The following SPIN1 variants were observed in gnomAD, a reference collection of about 807,000 sequenced individuals.
SPIN1 encodes spindlin 1, also known as spindlin-1.
SPIN1 carries 3 observed loss-of-function variants against 26.0 expected under a neutral mutation model. The observed-to-expected ratio is 0.12, with a 90% confidence interval of 0.05 to 0.30. The LOEUF is 0.30. SPIN1 is among the 10% of genes least tolerant of loss of function. The pLI is 1.00. For synonymous variants in SPIN1, 101 were observed against 116.5 expected, an observed-to-expected ratio of 0.87 and a Z score of 0.86; for missense variants, 126 against 333.4, an observed-to-expected ratio of 0.38 and a Z score of 4.84.
intron 1 of SPIN1, among the ~76,000 whole-genome samples, chr9:88,393,878 T>C (rs959660464): frequency 6.6e-6 from 1 of 151,668 alleles, no homozygotes; most frequent in African/African-American, 2.4e-5. Flanking sequence ...GAGACAGTCT[T>C]GCTCTGTCAC....
intron 2 of SPIN1, among the ~76,000 whole-genome samples, chr9:88,429,443 C>T (rs1827822230): frequency 6.6e-6 from 1 of 152,162 alleles, no homozygotes; most frequent in African/African-American, 2.4e-5. Flanking sequence ...ATTGGAGTTT[C>T]CACAGCCCTG....
At chr9:88,474,997 T>C (rs1471755365) in intron 5 of SPIN1, 81 bp from the exon 6 acceptor site, 2 of 1,307,228 alleles carry the variant, frequency 1.5e-6, no homozygotes, top group Non-Finnish European at 2.0e-6. Context: ...AAAATAAATA[T>C]GTGAGTTGAT....
rs11320023 is a variant in SPIN1 at position 88,475,047 on chromosome 9, CTTTT to C, written c.590-11_590-8del. 5.2e-3 allele frequency: 4,327 copies of C among 834,670 alleles called. 2 individuals are homozygous for C. Among genetic ancestry groups the C allele is most frequent in the African/African-American group, 0.01 (445 of 43,186 alleles). 51.7% of individuals were successfully genotyped at this position (834,670 alleles called of 1,614,324 possible). ...TGACTTAGAAATTTTCTCTCTCTCT[CTTTT>C]TTTTTTTTTTTTTTTTTTTAATATA... On this transcript the variant is annotated intron_variant, in intron 5 of 5. Coordinates refer to ENST00000375859, the MANE Select transcript of SPIN1 (RefSeq NM_006717.3).
chr9:88,394,428 T>TG (rs1827008848), intron 1 of SPIN1, among the ~76,000 whole-genome samples: 1 of 152,228 alleles, frequency 6.6e-6, no homozygotes, highest in African/African-American at 2.4e-5. Context: ...ATGCTTTTAT[T>TG]GGACAGCCAT....
chr9:88,402,107 T>G (rs967964919), intron 1 of SPIN1, among the ~76,000 whole-genome samples: 1 of 152,136 alleles, frequency 6.6e-6, no homozygotes, highest in African/African-American at 2.4e-5. Context: ...TTCTCCCGCC[T>G]CAGCCTCCTG....
At chr9:88,409,409 C>A (rs1452294007) in intron 1 of SPIN1, among the ~76,000 whole-genome samples, 1 of 151,592 alleles carries the variant, frequency 6.6e-6, no homozygotes, top group Non-Finnish European at 1.5e-5. Flanking sequence ...TTATAAATAT[C>A]GTTTGAATAA....
At chr9:88,430,453 A>G (rs1408485791) in intron 2 of SPIN1, among the ~76,000 whole-genome samples, 1 of 152,204 alleles carries the variant, frequency 6.6e-6, no homozygotes, top group African/African-American at 2.4e-5. Flanking sequence ...AGGCTCACCA[A>G]GTTTCCAGGG....
rs1587774126 is a variant in SPIN1 at position 88,403,189 on chromosome 9, C to T, written c.-159+14651C>T. Among the ~76,000 whole-genome samples, 4 of 152,014 alleles carry T rather than the reference C, an allele frequency of 2.6e-5. No homozygotes were observed. The East Asian group carries it at 7.7e-4, about 29-fold the overall frequency. ...CTTGTTGCATATTCTGGATTTTAGT[C>T]CTTTGTCATGAATGGTTTGCACATA... On this transcript the variant is annotated intron_variant, in intron 1 of 5. Transcript: ENST00000375859.
In SPIN1 at chr9:88,475,627, T is replaced by C. The variant is rs1233682317; in HGVS notation, c.*350T>C. 4.9e-6 allele frequency: 1 copy of C among 205,288 alleles called. No homozygotes were observed. Among genetic ancestry groups the C allele is most frequent in the East Asian group, 1.2e-4 (1 of 8,380 alleles). The allele number at this position is 205,288 out of a possible 1,614,324, so 12.7% of individuals were successfully genotyped here. ...TTCTGCCGCCACAATGCAAGCATAG[T>C]TTGATGTTTTCGTTATTGCCTTTTT... On this transcript the variant is annotated 3_prime_UTR_variant, in exon 6 of 6. Coordinates refer to ENST00000375859, the MANE Select transcript of SPIN1 (RefSeq NM_006717.3).
At chr9:88,471,193 T>G (rs1368531449) in intron 5 of SPIN1, among the ~76,000 whole-genome samples, 1 of 152,186 alleles carries the variant, frequency 6.6e-6, no homozygotes, top group African/African-American at 2.4e-5. Context: ...TTTACCCTCG[T>G]TTTCTTATAA....
intron 5 of SPIN1, among the ~76,000 whole-genome samples, chr9:88,469,715 T>TA (rs1474976834): frequency 6.6e-6 from 1 of 152,124 alleles, no homozygotes; most frequent in Non-Finnish European, 1.5e-5. Context: ...TTTTATATTT[T>TA]AGAGATGGGG....
chr9:88,439,515 AC>A (rs1266182525), intron 2 of SPIN1, among the ~76,000 whole-genome samples: 1 of 152,230 alleles, frequency 6.6e-6, no homozygotes, highest in African/African-American at 2.4e-5. Context: ...TTCCCAAGAT[AC>A]CTCATTTTAT....
At chr9:88,428,606 A>G (rs1056440146) in intron 2 of SPIN1, among the ~76,000 whole-genome samples, 8 of 152,194 alleles carry the variant, frequency 5.3e-5, no homozygotes, top group Non-Finnish European at 8.8e-5. Flanking sequence ...GTGATGTGTA[A>G]TATGGTATAA....
chr9:88,440,480 A>G (rs1200792371), intron 2 of SPIN1, among the ~76,000 whole-genome samples: 5 of 151,806 alleles, frequency 3.3e-5, no homozygotes, highest in Non-Finnish European at 7.4e-5. Flanking sequence ...AAACTTTTTT[A>G]GTGATTGCCC....
intron 1 of SPIN1, among the ~76,000 whole-genome samples, chr9:88,408,958 G>T (rs1404653547): frequency 1.4e-5 from 2 of 143,232 alleles, no homozygotes; most frequent in Admixed American, 6.8e-5. Flanking sequence ...CACAGCGCCC[G>T]GCCCTTTTGT....
intron 2 of SPIN1, among the ~76,000 whole-genome samples, chr9:88,433,531 G>A (rs1196062092): frequency 6.6e-6 from 1 of 152,186 alleles, no homozygotes; most frequent in African/African-American, 2.4e-5. Context: ...TCAAGATGAT[G>A]GCAAGCTGTC....
rs148226213 is a variant in SPIN1 at position 88,460,453 on chromosome 9, C to T, written c.102-2043C>T. On this transcript the variant is annotated intron_variant, in intron 3 of 5. Coordinates refer to ENST00000375859, the MANE Select transcript of SPIN1 (RefSeq NM_006717.3). ...TACATGTTCTTACGTTAGGGTTCTC[C>T]AGGGAAATAGAATCGTTGGGAAATA... 2.6e-3 allele frequency among the ~76,000 whole-genome samples: 400 copies of T among 152,206 alleles called. 2 individuals carry two copies. The highest frequency in any genetic ancestry group is 0.014 in the Middle Eastern group (4 of 294).
intron 3 of SPIN1, among the ~76,000 whole-genome samples, chr9:88,455,123 A>G (rs1356120619): frequency 6.6e-6 from 1 of 152,212 alleles, no homozygotes; most frequent in African/African-American, 2.4e-5. Context: ...TTTATATATA[A>G]TTTCTTGCCG....
In SPIN1 at chr9:88,411,097, T is replaced by C. The variant is rs528227895; in HGVS notation, c.-158-15285T>C. On this transcript the variant is annotated intron_variant, in intron 1 of 5. Coordinates refer to ENST00000375859, the MANE Select transcript of SPIN1 (RefSeq NM_006717.3). Reference sequence around the variant, plus strand: ...TTTTTCAGAACTGTTTAAAATAATCTCTTAGGTGATGTTCTTTAGTGTCTT... The same window carrying C: ...TTTTTCAGAACTGTTTAAAATAATCCCTTAGGTGATGTTCTTTAGTGTCTT... 7 of 1,529,064 alleles carry C rather than the reference T, an allele frequency of 4.6e-6. No individual in the cohort carries two copies. The African/African-American group carries it at 9.5e-5, about 21-fold the overall frequency. 94.7% of individuals were successfully genotyped at this position (1,529,064 alleles called of 1,614,324 possible). A position where few individuals can be genotyped will look rare whatever the true frequency, so the allele number is the denominator to read the frequency against.
Sources: allele counts gnomAD v4.1 joint callset (sites outside exome capture counted in the v4.1 genomes callset), GRCh38; gene constraint gnomAD v4.1.1; transcripts MANE v1.5; gene names NCBI Gene and HGNC (gene_info 2026-07-23, HGNC 2026-07-21).